RBFOX2: variants seen among roughly 807,000 people sequenced by gnomAD.
The protein encoded by RBFOX2 is RNA binding fox-1 homolog 2.
A neutral mutation model predicts 49.1 loss-of-function variants in RBFOX2; 10 were observed. The ratio of observed to expected loss-of-function variants is 0.20; its 90% CI spans 0.13 to 0.35. The LOEUF is 0.35. Among genes scored for constraint, RBFOX2 ranks in the 10% least tolerant of loss-of-function variants. The pLI is 1.00. For missense variants in RBFOX2, 323 were observed against 486.9 expected (o/e 0.66, Z 3.17); for synonymous variants, 183 against 187.4 (o/e 0.98, Z 0.19).
chr22:35,903,612 A>T (rs975323552), intron 1 of RBFOX2, among the ~76,000 whole-genome samples: 11 of 152,106 alleles, frequency 7.2e-5, no homozygotes, highest in Admixed American at 4.6e-4. Context: ...CAAACTCAAC[A>T]TGCCCAAAAT....
chr22:35,901,856 C>A (rs1022635519), intron 1 of RBFOX2, among the ~76,000 whole-genome samples: 1 of 151,710 alleles, frequency 6.6e-6, no homozygotes, highest in African/African-American at 2.4e-5. Context: ...CTGAGGCAGG[C>A]GGATCACTTG....
chr22:35,907,502 C>T (rs554063371), intron 1 of RBFOX2, among the ~76,000 whole-genome samples: 1 of 152,318 alleles, frequency 6.6e-6, no homozygotes, highest in South Asian at 2.1e-4. Context: ...CCTGGACTGC[C>T]TAATTTCAGA....
At chr22:35,756,110 G>A in intron 9 of RBFOX2, 1 of 1,501,220 alleles carries the variant, frequency 6.7e-7, no homozygotes, top group Non-Finnish European at 9.0e-7. Context: ...CTTACATAGA[G>A]GTCAGCACCG....
At chr22:35,804,519 C>T (rs908248102) in intron 2 of RBFOX2, among the ~76,000 whole-genome samples, 2 of 151,996 alleles carry the variant, frequency 1.3e-5, no homozygotes, top group Non-Finnish European at 2.9e-5. Context: ...AACTCATCAC[C>T]TACAGGGGGA....
At chr22:35,840,660 G>C (rs1958614127), upstream of RBFOX2, 2 of 1,005,036 alleles carry the variant, frequency 2.0e-6, no homozygotes, top group Non-Finnish European at 2.4e-6. Context: ...GTGTGTGTAG[G>C]GGGGAGGAGG....
chr22:35,923,587 T>C (rs542750352), intron 1 of RBFOX2, among the ~76,000 whole-genome samples: 9 of 152,152 alleles, frequency 5.9e-5, no homozygotes, highest in Non-Finnish European at 1.3e-4. Context: ...TTTTAATAAA[T>C]TGTGGCCAAG....
intron 9 of RBFOX2, among the ~76,000 whole-genome samples, chr22:35,753,771 CTTTTTTTTTTTTT>C (rs869178693): frequency 1.0e-3 from 57 of 54,506 alleles, no homozygotes; most frequent in South Asian, 4.1e-3. Context: ...GTAGACAAGT[CTTTTTTTTTTTTT>C]TTTTTTTTTT....
intron 2 of RBFOX2, among the ~76,000 whole-genome samples, chr22:35,791,896 T>G (rs1172157976): frequency 1.3e-5 from 2 of 152,202 alleles, no homozygotes; most frequent in African/African-American, 4.8e-5. Context: ...ACATTTAGTG[T>G]AAGGGACATA....
intron 1 of RBFOX2, chr22:35,996,370 T>C (rs1372134633): frequency 2.0e-5 from 3 of 152,204 alleles, no homozygotes; most frequent in Admixed American, 6.5e-5. Flanking sequence ...TCCCAGCACT[T>C]TGAGAGGCCA....
Position 35,784,940 on chromosome 22 carries a change from C to T in RBFOX2, c.253-3194G>A, listed in dbSNP as rs557285363. ...GTGGCGACCCACTCCACAGAGGGCG[C>T]GATCCCACTCCAGGCCTCTTGCAAA... On this transcript the variant is annotated intron_variant, in intron 2 of 11. Coordinates refer to ENST00000405409, the Ensembl canonical transcript of RBFOX2. Among the ~76,000 whole-genome samples the T allele has an allele frequency of 1.8e-3, 270 of 152,300 alleles. 1 individual carries two copies. The highest frequency in any genetic ancestry group is 6.4e-3 in the African/African-American group (266 of 41,552).
intron 1 of RBFOX2, among the ~76,000 whole-genome samples, chr22:35,977,727 T>G (rs12157770): frequency 0.32 from 3,784 of 11,724 alleles, 168 homozygotes; most frequent in African/African-American, 0.44. Flanking sequence ...ATGAACTATA[T>G]ATATATATAT....
intron 1 of RBFOX2, chr22:35,993,525 G>A (rs2058064407): frequency 6.6e-6 from 1 of 152,192 alleles, no homozygotes; most frequent in Non-Finnish European, 1.5e-5. Flanking sequence ...TCAGATAAAT[G>A]CAGCCCAGTC....
At chr22:35,917,724 T>C (rs746981632) in intron 1 of RBFOX2, among the ~76,000 whole-genome samples, 6 of 152,284 alleles carry the variant, frequency 3.9e-5, no homozygotes, top group Non-Finnish European at 7.4e-5. Context: ...GTCAGTGGCG[T>C]GCAAACTCAC....
exon 12 of RBFOX2, chr22:35,743,855 T>A (rs1931106604): frequency 4.6e-6 from 1 of 219,178 alleles, no homozygotes; most frequent in Admixed American, 5.8e-5. Context: ...CTAATGTCTC[T>A]CCTTCCTCCT....
chr22:35,775,004 T>C (rs1364887221), intron 4 of RBFOX2, among the ~76,000 whole-genome samples: 8 of 152,360 alleles, frequency 5.3e-5, no homozygotes, highest in Middle Eastern at 3.4e-3. Flanking sequence ...GTTTAAAAGT[T>C]AGAGGAACTC....
intron 1 of RBFOX2, among the ~76,000 whole-genome samples, chr22:36,021,965 C>G (rs1354301918): frequency 1.3e-5 from 2 of 152,186 alleles, no homozygotes; most frequent in East Asian, 3.9e-4. Flanking sequence ...ACCAAATGTA[C>G]TCACCATCCC....
chr22:35,972,567 AT>A (rs1167360425), intron 1 of RBFOX2, among the ~76,000 whole-genome samples: 1 of 152,028 alleles, frequency 6.6e-6, no homozygotes, highest in African/African-American at 2.4e-5. Context: ...CTAGGTCTCT[AT>A]TTTTTCACCA....
At chr22:35,884,496 C>T (rs2046324050) in intron 1 of RBFOX2, among the ~76,000 whole-genome samples, 1 of 152,174 alleles carries the variant, frequency 6.6e-6, no homozygotes, top group Admixed American at 6.5e-5. Context: ...CACCACCAAA[C>T]TCACTCACCT....
chr22:35,810,039 T>C (rs370852658), intron 1 of RBFOX2, 35 bp from the exon 3 acceptor site: 2 of 1,596,292 alleles, frequency 1.3e-6, no homozygotes, highest in Non-Finnish European at 1.7e-6. Context: ...AAAAGTGACT[T>C]TGAATCCTTG....
Sources: gnomAD v4.1 joint callset for allele counts (sites outside exome capture counted in the v4.1 genomes callset) on GRCh38, gnomAD v4.1.1 for gene constraint, MANE v1.5 for transcripts, NCBI Gene and HGNC (gene_info 2026-07-23, HGNC 2026-07-21) for gene names.